The following COL28A1 variants were observed in gnomAD, a reference collection of about 807,000 sequenced individuals.
COL28A1 encodes collagen alpha-1(XXVIII) chain.
Under a neutral mutation model 150.2 loss-of-function variants are expected in COL28A1, and 161 were observed. The observed-to-expected ratio is 1.07, with a 90% CI of 0.94 to 1.22. The LOEUF (loss-of-function observed/expected upper bound fraction) is 1.22, where lower values mean the gene tolerates loss of function less well. COL28A1 is among the 50% of genes most tolerant of loss of function. The probability of loss-of-function intolerance (pLI) is 0.00; values close to 1 mark genes in which losing one functional copy is unlikely to be tolerated. For missense variants in COL28A1, 1,617 were observed against 1,388.3 expected, an observed-to-expected ratio of 1.16 and a Z score of -2.62; for synonymous variants, 552 against 469.7, an observed-to-expected ratio of 1.18 and a Z score of -2.26.
At position 7,477,037 on chromosome 7, in the gene COL28A1, G is replaced by A. The variant is rs141682016; in HGVS notation, c.1233+75C>T. 445 of 813,962 alleles carry A rather than the reference G, an allele frequency of 5.5e-4. 3 individuals carry two copies. The African/African-American group carries it at 6.2e-3, about 11-fold the overall frequency. 50.4% of individuals were successfully genotyped at this position (813,962 alleles called of 1,614,324 possible). A position where few individuals can be genotyped will look rare whatever the true frequency, so the allele number is the denominator to read the frequency against. Reference sequence around the variant, plus strand: ...TAATTAACTTCTAAAAATTGGCTAGGACACATTTTTAAAATTTGTAATTCA... The same window carrying A: ...TAATTAACTTCTAAAAATTGGCTAGAACACATTTTTAAAATTTGTAATTCA... On this transcript the variant is annotated intron_variant, in intron 14 of 34. Coordinates refer to ENST00000399429, the MANE Select transcript of COL28A1 (RefSeq NM_001037763.3).
At chr7:7,417,513 AGGAGGGAGGGGGGAGGGAG>A (rs1784150968) in intron 27 of COL28A1, 3 of 155,972 alleles carry the variant, frequency 1.9e-5, no homozygotes, top group African/African-American at 9.1e-5. Context: ...GGGGGAGGGA[AGGAGGGAGGGGGGAGGGAG>A]GGAGGGAGGG....
At chr7:7,534,384 A>T (rs563822849) in intron 1 of COL28A1, among the ~76,000 whole-genome samples, 41 of 152,316 alleles carry the variant, frequency 2.7e-4, no homozygotes, top group African/African-American at 9.1e-4. Flanking sequence ...ACCAAGGAAA[A>T]AAATAAATGA....
intron 27 of COL28A1, among the ~76,000 whole-genome samples, chr7:7,408,404 A>C (rs1280423402): frequency 1.3e-5 from 2 of 152,158 alleles, no homozygotes; most frequent in Non-Finnish European, 2.9e-5. Flanking sequence ...ACTTATCTGC[A>C]ACTAGGTAAG....
At chr7:7,519,125 T>C (rs973670704) in intron 6 of COL28A1, among the ~76,000 whole-genome samples, 5 of 152,204 alleles carry the variant, frequency 3.3e-5, no homozygotes, top group African/African-American at 1.2e-4. Context: ...TTTAATGGAC[T>C]CACAGTTCCA....
intron 11 of COL28A1, among the ~76,000 whole-genome samples, chr7:7,490,936 ACTATATAAC>A (rs1402064404): frequency 6.6e-6 from 1 of 152,342 alleles, no homozygotes; most frequent in Admixed American, 6.5e-5. Flanking sequence ...AAACATAATG[ACTATATAAC>A]AATGAATACA....
intron 27 of COL28A1, among the ~76,000 whole-genome samples, chr7:7,389,449 CT>C (rs1782399822): frequency 6.6e-6 from 1 of 152,090 alleles, no homozygotes. Flanking sequence ...CAGCTTTGTC[CT>C]TTTTGCTTAA....
At position 7,500,690 on chromosome 7, in the gene COL28A1, T is replaced by C. The variant is rs144628431; in HGVS notation, c.1026+5324A>G. On this transcript the variant is annotated intron_variant, in intron 11 of 34. Coordinates refer to ENST00000399429, the MANE Select transcript of COL28A1 (RefSeq NM_001037763.3). ...AGAACACTTTGAAGAAAACAGGATG[T>C]TGTGTAGGGACGTTTAGCATGCTTA... Among the ~76,000 whole-genome samples the C allele has an allele frequency of 8.7e-3, 1,329 of 152,300 alleles. 20 individuals are homozygous for C. The highest frequency in any genetic ancestry group is 0.03 in the African/African-American group (1,239 of 41,566).
chr7:7,531,776 G>C lies in COL28A1; in HGVS notation c.253C>G (p.Arg85Gly). Residue 85 changes from arginine to glycine, a missense_variant, in exon 3 of 35, where the codon CGC becomes GGC. Coordinates refer to ENST00000399429, the MANE Select transcript of COL28A1 (RefSeq NM_001037763.3). ...AGTTTGATGTCATATTCCAAGGAGC[G>C]ACCAGGAGTCAATTGGAAAATCTTG... is the stretch of plus-strand genomic sequence containing the variant. ...SDKIFQLTPG[R>G]SLEYDIKLAA... 1.9e-6 allele frequency: 3 copies of C among 1,605,498 alleles called. No homozygotes were observed. The highest frequency in any genetic ancestry group is 2.6e-6 in the Non-Finnish European group (3 of 1,172,274).
intron 6 of COL28A1, among the ~76,000 whole-genome samples, chr7:7,518,099 G>C (rs1162891699): frequency 4.0e-5 from 6 of 151,880 alleles, no homozygotes; most frequent in African/African-American, 1.5e-4. Flanking sequence ...CATCCCAGTT[G>C]AACAACACAG....
intron 13 of COL28A1, among the ~76,000 whole-genome samples, chr7:7,486,341 A>G (rs924607798): frequency 6.6e-6 from 1 of 152,110 alleles, no homozygotes; most frequent in Non-Finnish European, 1.5e-5. Context: ...AGGTTTTTGT[A>G]TAGATTTCTT....
At chr7:7,413,278 A>G (rs1783887152) in intron 27 of COL28A1, among the ~76,000 whole-genome samples, 1 of 151,826 alleles carries the variant, frequency 6.6e-6, no homozygotes, top group South Asian at 2.1e-4. Flanking sequence ...ATTCTCAGCC[A>G]GGAAGTTGCC....
the COL28A1 span, among the ~76,000 whole-genome samples, chr7:7,347,361 T>C: frequency 6.6e-6 from 1 of 152,130 alleles, no homozygotes; most frequent in Non-Finnish European, 1.5e-5. Flanking sequence ...AGCTCTTTCT[T>C]CTTATGTCTA....
intron 27 of COL28A1, among the ~76,000 whole-genome samples, chr7:7,382,227 T>G (rs1781912700): frequency 6.6e-6 from 1 of 151,940 alleles, no homozygotes; most frequent in Non-Finnish European, 1.5e-5. Context: ...GAAGAATTGC[T>G]TGAACCCAGG....
At chr7:7,352,334 T>C (rs1423215679), downstream of COL28A1, among the ~76,000 whole-genome samples, 3 of 152,182 alleles carry the variant, frequency 2.0e-5, no homozygotes, top group Non-Finnish European at 2.9e-5. Context: ...TTGTGGCAGA[T>C]TGAATAATGG....
At chr7:7,451,170 C>A (rs376270076) in intron 18 of COL28A1, among the ~76,000 whole-genome samples, 1 of 151,566 alleles carries the variant, frequency 6.6e-6, no homozygotes, top group Non-Finnish European at 1.5e-5. Flanking sequence ...AAAGCTGGGC[C>A]GTGGAATACA....
intron 30 of COL28A1, among the ~76,000 whole-genome samples, chr7:7,377,422 A>G (rs1781615433): frequency 1.3e-5 from 2 of 152,118 alleles, no homozygotes; most frequent in Non-Finnish European, 2.9e-5. Context: ...TGCTATGGAG[A>G]GCCAAGGAAC....
At chr7:7,371,882 G>C (rs1006795704) in intron 32 of COL28A1, among the ~76,000 whole-genome samples, 6 of 152,004 alleles carry the variant, frequency 3.9e-5, no homozygotes, top group Admixed American at 2.0e-4. Flanking sequence ...GCCCAGGCTG[G>C]AGTGCAGTGG....
At position 7,363,265 on chromosome 7, in the gene COL28A1, T is replaced by C. The variant is rs763717777; in HGVS notation, c.3067-2737A>G. On this transcript the variant is annotated intron_variant, in intron 33 of 34. Transcript: ENST00000399429. ...AGAATTAACTCAGCCTTTAAATCTT[T>C]ACCTTGTTCAAGTCCTGAGTCCTCA... Among the ~76,000 whole-genome samples the C allele has an allele frequency of 7.2e-5, 11 of 152,200 alleles. 1 individual carries two copies. The highest frequency in any genetic ancestry group is 7.2e-4 in the Admixed American group (11 of 15,284).
upstream of COL28A1, among the ~76,000 whole-genome samples, chr7:7,536,891 A>AGTCCTCACTTAAT (rs1168009834): frequency 6.6e-6 from 1 of 152,208 alleles, no homozygotes; most frequent in African/African-American, 2.4e-5. Flanking sequence ...ATATACAGTA[A>AGTCCTCACTTAAT]GTCCTCACTT....
Sources: gnomAD v4.1 joint callset for allele counts (sites outside exome capture counted in the v4.1 genomes callset) on GRCh38, gnomAD v4.1.1 for gene constraint, MANE v1.5 for transcripts, NCBI Gene and HGNC (gene_info 2026-07-23, HGNC 2026-07-21) for gene names.